ITGA9: variants seen among roughly 807,000 people sequenced by gnomAD.
ITGA9 encodes integrin alpha-9.
A neutral mutation model predicts 127.8 loss-of-function variants in ITGA9; 56 were observed. The observed-to-expected ratio is 0.44, with a 90% CI of 0.35 to 0.55. ITGA9 has a LOEUF of 0.55. ITGA9 is among the 20% of genes least tolerant of loss of function. The probability of loss-of-function intolerance (pLI) is 0.00; values close to 1 mark genes in which losing one functional copy is unlikely to be tolerated. For missense variants in ITGA9, 1,196 were observed against 1,347.1 expected, an observed-to-expected ratio of 0.89 and a Z score of 1.76; for synonymous variants, 508 against 514.5, an observed-to-expected ratio of 0.99 and a Z score of 0.17.
intron 23 of ITGA9, among the ~76,000 whole-genome samples, chr3:37,769,782 A>T (rs1696821395): frequency 6.6e-6 from 1 of 152,112 alleles, no homozygotes; most frequent in Admixed American, 6.5e-5. Flanking sequence ...CAGATATGAG[A>T]GGGGCTGACT....
At chr3:37,494,433 G>A in intron 4 of ITGA9, 68 bp from the exon 5 acceptor site, 5 of 1,174,666 alleles carry the variant, frequency 4.3e-6, no homozygotes, top group Non-Finnish European at 6.3e-6. Context: ...TGGCTCTGCT[G>A]GCTCCACGCA....
At chr3:37,663,446 C>G (rs774956510) in intron 17 of ITGA9, among the ~76,000 whole-genome samples, 4 of 152,154 alleles carry the variant, frequency 2.6e-5, no homozygotes, top group Non-Finnish European at 5.9e-5. Flanking sequence ...TATAATTGTC[C>G]TATGGTTGTA....
chr3:37,603,320 G>A (rs148245934), intron 15 of ITGA9, among the ~76,000 whole-genome samples: 2 of 152,254 alleles, frequency 1.3e-5, no homozygotes, highest in South Asian at 2.1e-4. Context: ...ATAAAGTATA[G>A]CAATGATTTA....
Position 37,814,044 on chromosome 3 carries a change from AT to A in ITGA9, c.3010-4844del, listed in dbSNP as rs1235256225. ...AAATTGAAAATTGAATTTTCAAAAA[AT>A]TTCTCAAAAATCTTTGAGAAAAATT... On this transcript the variant is annotated intron_variant, in intron 27 of 27. Coordinates refer to ENST00000264741, the MANE Select transcript of ITGA9 (RefSeq NM_002207.3). This position sits in a 1 kb window ranked among gnomAD's most constrained non-coding sequence, Gnocchi z 4.3. Among the ~76,000 whole-genome samples, 2 of 152,284 alleles carry A rather than the reference AT, an allele frequency of 1.3e-5. No homozygotes were observed. Among genetic ancestry groups the A allele is most frequent in the East Asian group, 3.9e-4 (2 of 5,188 alleles).
At chr3:37,653,531 G>A (rs1700448150) in intron 16 of ITGA9, among the ~76,000 whole-genome samples, 183 bp from the exon 17 acceptor site, 1 of 152,124 alleles carries the variant, frequency 6.6e-6, no homozygotes, top group Non-Finnish European at 1.5e-5. Context: ...GTTGACTTAG[G>A]CTTCCTTGGA....
chr3:37,675,986 C>A (rs1700678348), intron 17 of ITGA9, among the ~76,000 whole-genome samples: 6 of 152,106 alleles, frequency 3.9e-5, no homozygotes, highest in Admixed American at 3.9e-4. Context: ...TCATGATCCA[C>A]CCGCCTTGGC....
chr3:37,555,978 G>A (rs1258610052), intron 15 of ITGA9, among the ~76,000 whole-genome samples: 1 of 152,194 alleles, frequency 6.6e-6, no homozygotes, highest in African/African-American at 2.4e-5. Flanking sequence ...GAAAGGGAAG[G>A]CATTTTAGGT....
intron 23 of ITGA9, among the ~76,000 whole-genome samples, chr3:37,768,595 C>T (rs1372553710): frequency 6.6e-6 from 1 of 152,080 alleles, no homozygotes; most frequent in Non-Finnish European, 1.5e-5. Context: ...GTCATGTTTA[C>T]CCGGTTGCCG....
intron 16 of ITGA9, among the ~76,000 whole-genome samples, chr3:37,635,868 A>C (rs1700272909): frequency 6.8e-6 from 1 of 147,048 alleles, no homozygotes; most frequent in South Asian, 2.1e-4. Flanking sequence ...CCTATGAGTG[A>C]GAACATGCGG....
chr3:37,750,050 C>G (rs1411426287), intron 22 of ITGA9, among the ~76,000 whole-genome samples: 1 of 150,638 alleles, frequency 6.6e-6, no homozygotes, highest in East Asian at 2.0e-4. Context: ...CTCCATACCC[C>G]CCCACCAAAA....
At chr3:37,741,586 A>G in intron 20 of ITGA9, 144 bp from the exon 21 acceptor site, 1 of 710,238 alleles carries the variant, frequency 1.4e-6, no homozygotes, top group Non-Finnish European at 2.6e-6. Flanking sequence ...AGATATGTAC[A>G]GGGACCAAAA....
At chr3:37,506,271 T>C (rs1009494445) in intron 7 of ITGA9, among the ~76,000 whole-genome samples, 186 bp downstream of exon 7, 2 of 151,952 alleles carry the variant, frequency 1.3e-5, no homozygotes, top group Admixed American at 6.5e-5. Flanking sequence ...TCAATTAGAG[T>C]GTGAGTATAC....
intron 26 of ITGA9, among the ~76,000 whole-genome samples, chr3:37,792,248 T>C (rs2125557334): frequency 6.6e-6 from 1 of 152,318 alleles, no homozygotes; most frequent in Non-Finnish European, 1.5e-5. Flanking sequence ...TATTGAGGGC[T>C]TGCTAAGAGC....
rs539906562 is a variant in ITGA9, at chr3:37,681,638, G to A, written c.1917-2227G>A. On this transcript the variant is annotated intron_variant, in intron 17 of 27. Transcript: ENST00000264741. ...TACAAACCCTTATATCCTTAATTAC[G>A]TCTTCCATTAACTGGTTATCCGATT... is the stretch of plus-strand genomic sequence containing the variant. 3.3e-5 allele frequency among the ~76,000 whole-genome samples: 5 copies of A among 152,152 alleles called. No homozygotes were observed. In the South Asian group the frequency reaches 1.0e-3, roughly 32 times the overall value.
rs114847972 is a variant in ITGA9, at chr3:37,659,953, C to T, written c.1916+6163C>T. ...AAGTAATACTAAGATTCCTTTTCTT[C>T]AGTTTGAGTTTACTGGAGGAAGATG... On this transcript the variant is annotated intron_variant, in intron 17 of 27. Coordinates refer to ENST00000264741, the MANE Select transcript of ITGA9 (RefSeq NM_002207.3). Among the ~76,000 whole-genome samples, 292 of 151,448 alleles carry T rather than the reference C, an allele frequency of 1.9e-3. 2 individuals carry two copies. Among genetic ancestry groups the T allele is most frequent in the African/African-American group, 6.9e-3 (283 of 41,202 alleles).
At chr3:37,785,460 G>A (rs190183670) in intron 26 of ITGA9, among the ~76,000 whole-genome samples, 3 of 152,114 alleles carry the variant, frequency 2.0e-5, no homozygotes, top group Admixed American at 2.0e-4. Flanking sequence ...TACTCCATGG[G>A]TAAATACTGT....
rs777228206 is a variant in ITGA9 at position 37,629,283 on chromosome 3, C to T, written c.1786C>T (p.Leu596=). The change falls in exon 16 of 28, where the codon CTG becomes TTG. Residue 596 remains leucine, a synonymous_variant. Coordinates refer to ENST00000264741, the MANE Select transcript of ITGA9 (RefSeq NM_002207.3). This position sits in a 1 kb window ranked among gnomAD's most constrained non-coding sequence, Gnocchi z 4.5. ...TGEEERELPP[L]TPVLRWKKGQ... Reference sequence around the variant, plus strand: ...AGAGGAGGAGAGGGAACTGCCGCCTCTGACACCAGTTCTCCGCTGGAAAAA... The same window carrying T: ...AGAGGAGGAGAGGGAACTGCCGCCTTTGACACCAGTTCTCCGCTGGAAAAA... 1.2e-6 allele frequency: 2 copies of T among 1,614,146 alleles called. No individual in the cohort carries two copies. The highest frequency in any genetic ancestry group is 2.2e-5 in the South Asian group (2 of 91,080).
Position 37,465,016 on chromosome 3 carries a change from G to A in ITGA9, c.186-5991G>A, listed in dbSNP as rs1426611. ...AGAATTTGACTCATGTAACCAAAAC[G>A]TGGGTCCCTGGGGAAGCTTTGGCTT... On this transcript the variant is annotated intron_variant, in intron 1 of 27. Coordinates refer to ENST00000264741, the MANE Select transcript of ITGA9 (RefSeq NM_002207.3). 3.4e-3 allele frequency among the ~76,000 whole-genome samples: 523 copies of A among 152,362 alleles called. 3 individuals are homozygous for A. The highest frequency in any genetic ancestry group is 0.012 in the African/African-American group (495 of 41,582).
At chr3:37,493,052 T>C (rs1312017499) in intron 4 of ITGA9, among the ~76,000 whole-genome samples, 1 of 151,560 alleles carries the variant, frequency 6.6e-6, no homozygotes. Flanking sequence ...CTAGCAGTTG[T>C]CCTTATAATA....
Sources: allele counts gnomAD v4.1 joint callset (sites outside exome capture counted in the v4.1 genomes callset), GRCh38; gene constraint gnomAD v4.1.1; non-coding constraint Gnocchi (gnomAD v3.1); transcripts MANE v1.5; gene names NCBI Gene and HGNC (gene_info 2026-07-23, HGNC 2026-07-21).